GPHN: variants seen among roughly 807,000 people sequenced by gnomAD.
GPHN encodes the protein gephyrin.
In GPHN, 17 loss-of-function variants were observed where a neutral mutation model predicts 95.5. That is an observed-to-expected ratio of 0.18 (90% CI 0.12 to 0.27). The LOEUF (loss-of-function observed/expected upper bound fraction) is 0.27, where lower values mean the gene tolerates loss of function less well. Among genes scored for constraint, GPHN ranks in the 10% least tolerant of loss-of-function variants. GPHN has a pLI of 1.00. For synonymous variants in GPHN, 320 were observed against 322.5 expected, an observed-to-expected ratio of 0.99 and a Z score of 0.08; for missense variants, 660 against 978.1, an observed-to-expected ratio of 0.67 and a Z score of 4.34.
At chr14:67,376,534 T>G in the GPHN span, 1 of 1,614,014 alleles carries the variant, frequency 6.2e-7, no homozygotes, top group African/African-American at 1.3e-5. Flanking sequence ...GGGTCTTTGA[T>G]GACAAGTACA....
At position 66,775,290 on chromosome 14, in the gene GPHN, C is replaced by A. The variant is rs185514167; in HGVS notation, c.144-1174C>A. Among the ~76,000 whole-genome samples, 46 of 152,030 alleles carry A rather than the reference C, an allele frequency of 3.0e-4. 1 individual carries two copies. The highest frequency in any genetic ancestry group is 2.5e-3 in the Admixed American group (38 of 15,270). ...CTCCTTTTTTTGTTACTGAGGTATA[C>A]TTATAAGTGCAGATAAGTAATCAGA... On this transcript the variant is annotated intron_variant, in intron 2 of 22. Transcript: ENST00000478722.
chr14:66,545,931 G>A (rs1462189315), intron 1 of GPHN, among the ~76,000 whole-genome samples: 3 of 151,760 alleles, frequency 2.0e-5, no homozygotes, highest in Non-Finnish European at 4.4e-5. Flanking sequence ...CCTCCTTCCT[G>A]GACGGGGTGG....
chr14:67,325,337 A>G, the GPHN span, among the ~76,000 whole-genome samples: 1 of 152,196 alleles, frequency 6.6e-6, no homozygotes, highest in Non-Finnish European at 1.5e-5. Flanking sequence ...AATGATATAT[A>G]TATATCATCC....
chr14:66,837,658 A>T (rs1287665638), intron 4 of GPHN, among the ~76,000 whole-genome samples: 5 of 149,330 alleles, frequency 3.3e-5, no homozygotes, highest in Non-Finnish European at 7.4e-5. Context: ...AATAAATAAA[A>T]AGACTGTTAA....
intron 10 of GPHN, among the ~76,000 whole-genome samples, chr14:67,029,122 C>T (rs2074062620): frequency 6.6e-6 from 1 of 152,058 alleles, no homozygotes; most frequent in African/African-American, 2.4e-5. Context: ...GAGGAAGACA[C>T]CTTTTCTCTG....
In GPHN at chr14:67,122,342, T is replaced by C. The variant is rs1176112038; in HGVS notation, c.1713T>C (p.Gly571=). ...TTCTAGCAACAATTCAGGAACATGG[T>C]TACCCCACGATCAACTTGGGTATTG... is the stretch of plus-strand genomic sequence containing the variant. ...STLLATIQEH[G]YPTINLGIVG... is the part of the protein sequence containing the mutation. Residue 571 remains glycine, a synonymous_variant, in exon 17 of 23, where the codon GGT becomes GGC. Coordinates refer to ENST00000478722, the MANE Select transcript of GPHN (RefSeq NM_020806.5). 1 of 1,612,876 alleles carries C rather than the reference T, an allele frequency of 6.2e-7. No individual in the cohort carries two copies. The highest frequency in any genetic ancestry group is 1.3e-5 in the African/African-American group (1 of 74,910).
chr14:66,737,359 T>G (rs1008964627), intron 2 of GPHN, among the ~76,000 whole-genome samples: 1 of 152,176 alleles, frequency 6.6e-6, no homozygotes, highest in Non-Finnish European at 1.5e-5. Flanking sequence ...CACTTTCAAT[T>G]TTGGGGTGGT....
At chr14:67,624,140 C>G in the GPHN span, among the ~76,000 whole-genome samples, 1 of 152,140 alleles carries the variant, frequency 6.6e-6, no homozygotes, top group East Asian at 1.9e-4. Context: ...TATCTGCACT[C>G]GATTTTGGTT....
chr14:67,310,972 G>C, the GPHN span, among the ~76,000 whole-genome samples: 1 of 152,106 alleles, frequency 6.6e-6, no homozygotes, highest in Admixed American at 6.5e-5. Context: ...GGGTAGACTG[G>C]TATTACTTTT....
At chr14:67,662,902 C>A in the GPHN span, 135 of 899,642 alleles carry the variant, frequency 1.5e-4, no homozygotes, top group African/African-American at 1.1e-3. Context: ...GACTCTGTCT[C>A]AAAAAAAAAA....
chr14:67,096,931 A>G (rs1259142042), intron 12 of GPHN, among the ~76,000 whole-genome samples: 2 of 152,056 alleles, frequency 1.3e-5, no homozygotes, highest in Admixed American at 6.5e-5. Flanking sequence ...GAAGGAAACA[A>G]TATATATGGA....
the GPHN span, among the ~76,000 whole-genome samples, chr14:67,205,439 C>A: frequency 2.6e-5 from 4 of 152,162 alleles, no homozygotes; most frequent in Admixed American, 2.0e-4. Flanking sequence ...TCAGTTTCCC[C>A]ACTTCTAAAG....
intron 4 of GPHN, among the ~76,000 whole-genome samples, chr14:66,859,869 C>T (rs986610154): frequency 6.6e-6 from 1 of 151,800 alleles, no homozygotes; most frequent in Non-Finnish European, 1.5e-5. Flanking sequence ...ATAGCAGAAT[C>T]GATCAATCAG....
intron 19 of GPHN, among the ~76,000 whole-genome samples, chr14:67,162,602 C>A (rs1369048713): frequency 2.6e-5 from 4 of 152,190 alleles, no homozygotes; most frequent in Non-Finnish European, 5.9e-5. Flanking sequence ...GTGAGCATAG[C>A]TGTTATTAAG....
chr14:67,148,872 CCT>C (rs2081068508), intron 18 of GPHN, among the ~76,000 whole-genome samples: 1 of 151,438 alleles, frequency 6.6e-6, no homozygotes, highest in Admixed American at 6.6e-5. Flanking sequence ...GGCCAGTTTG[CCT>C]TTTTTATTCC....
the GPHN span, among the ~76,000 whole-genome samples, chr14:67,274,801 C>G: frequency 1.4e-4 from 22 of 152,160 alleles, no homozygotes; most frequent in African/African-American, 3.1e-4. Flanking sequence ...ACTTGGTTGA[C>G]CAGTGGTTTC....
At chr14:67,480,855 T>C in the GPHN span, among the ~76,000 whole-genome samples, 1 of 152,128 alleles carries the variant, frequency 6.6e-6, no homozygotes, top group African/African-American at 2.4e-5. Flanking sequence ...GTTTCCCAGC[T>C]GGTAACAGAC....
the GPHN span, among the ~76,000 whole-genome samples, chr14:67,354,280 A>G: frequency 6.6e-6 from 1 of 152,240 alleles, no homozygotes; most frequent in Non-Finnish European, 1.5e-5. Flanking sequence ...AAATGTTATC[A>G]GGAGCCTTAT....
intron 9 of GPHN, among the ~76,000 whole-genome samples, chr14:66,973,724 C>T (rs1041038012): frequency 1.6e-4 from 24 of 151,620 alleles, no homozygotes; most frequent in Middle Eastern, 6.8e-3. Flanking sequence ...ACGCCACTGC[C>T]GTCTAGACTG....
Sources: gnomAD v4.1 joint callset for allele counts (sites outside exome capture counted in the v4.1 genomes callset) on GRCh38, gnomAD v4.1.1 for gene constraint, MANE v1.5 for transcripts, NCBI Gene and HGNC (gene_info 2026-07-23, HGNC 2026-07-21) for gene names.